The following RBMS1 variants were observed in gnomAD, a reference collection of about 807,000 sequenced individuals.
RBMS1 encodes the protein RNA binding motif single stranded interacting protein 1.
In RBMS1, 17 loss-of-function variants were observed where a neutral mutation model predicts 62.3. That is an observed-to-expected ratio of 0.27 (90% CI 0.19 to 0.41). RBMS1 has a LOEUF of 0.41. Among genes scored for constraint, RBMS1 ranks in the 10% least tolerant of loss-of-function variants. RBMS1 has a pLI of 1.00. For missense variants in RBMS1, 334 were observed against 504.5 expected (o/e 0.66, Z 3.24); for synonymous variants, 172 against 170.0 (o/e 1.01, Z -0.09).
At chr2:160,354,416 T>C (rs2106009499) in intron 2 of RBMS1, among the ~76,000 whole-genome samples, 1 of 152,174 alleles carries the variant, frequency 6.6e-6, no homozygotes, top group South Asian at 2.1e-4. Flanking sequence ...AGGTTAAGCA[T>C]TGGAGCAAAA....
At chr2:160,290,791 A>G (rs976586573) in intron 6 of RBMS1, among the ~76,000 whole-genome samples, 3 of 152,172 alleles carry the variant, frequency 2.0e-5, no homozygotes, top group Non-Finnish European at 2.9e-5. Flanking sequence ...CTTAAGAGCC[A>G]TCTAAGGTAA....
intron 2 of RBMS1, among the ~76,000 whole-genome samples, chr2:160,349,829 TG>T (rs534987737): frequency 3.2e-3 from 67 of 20,692 alleles, no homozygotes; most frequent in African/African-American, 0.011. Context: ...CAAAGCGGGG[TG>T]GGGGGGTGGA....
At chr2:160,444,920 T>C (rs1683580527) in intron 1 of RBMS1, among the ~76,000 whole-genome samples, 1 of 152,190 alleles carries the variant, frequency 6.6e-6, no homozygotes, top group Non-Finnish European at 1.5e-5. Context: ...ACCCCGATCT[T>C]GGACTCCCAT....
chr2:160,484,084 C>T (rs1685484009), intron 1 of RBMS1, among the ~76,000 whole-genome samples: 1 of 151,912 alleles, frequency 6.6e-6, no homozygotes, highest in Non-Finnish European at 1.5e-5. Flanking sequence ...AGCAATCCTC[C>T]CCCATCGGCC....
In RBMS1 at chr2:160,413,395, G is replaced by A. The variant is rs897180590; in HGVS notation, c.76-46004C>T. Among the ~76,000 whole-genome samples, 7 of 152,142 alleles carry A rather than the reference G, an allele frequency of 4.6e-5. No homozygotes were observed. In the Middle Eastern group the frequency reaches 0.01, roughly 222 times the overall value. Reference sequence around the variant, plus strand: ...AGCAGATTCTTTCTGTTCTTTCCTCGTACAAAATAGAGTTGATAAAGTACC... The same window carrying A: ...AGCAGATTCTTTCTGTTCTTTCCTCATACAAAATAGAGTTGATAAAGTACC... On this transcript the variant is annotated intron_variant, in intron 1 of 13. Transcript: ENST00000348849.
At chr2:160,286,901 A>G in intron 7 of RBMS1, 68 bp downstream of exon 7, 1 of 1,602,282 alleles carries the variant, frequency 6.2e-7, no homozygotes, top group Non-Finnish European at 8.5e-7. Flanking sequence ...TTTTTGTGTT[A>G]CTTTTCATGT....
At chr2:160,454,507 A>G in intron 1 of RBMS1, among the ~76,000 whole-genome samples, 1 of 152,252 alleles carries the variant, frequency 6.6e-6, no homozygotes, top group East Asian at 1.9e-4. Context: ...AGCAACTGGA[A>G]CAATGCAAAG....
Position 160,493,727 on chromosome 2 carries a change from C to G in RBMS1, c.-364G>C. The G allele has an allele frequency of 2.9e-6, 1 of 347,572 alleles. No individual in the cohort carries two copies. 21.5% of individuals were successfully genotyped at this position (347,572 alleles called of 1,614,324 possible). A position where few individuals can be genotyped will look rare whatever the true frequency, so the allele number is the denominator to read the frequency against. The stretch of plus-strand genomic sequence containing the variant: ...GCTGGCCGCGGTCCGCTCGGGCGAG[C>G]CGGCTGCGCGGGGCTGAGAGGTGAT... On this transcript the variant is annotated 5_prime_UTR_variant, in exon 1 of 14. Transcript: ENST00000348849.
intron 1 of RBMS1, among the ~76,000 whole-genome samples, chr2:160,446,969 C>T (rs1683678704): frequency 6.6e-6 from 1 of 152,236 alleles, no homozygotes; most frequent in Admixed American, 6.5e-5. Context: ...ACCAACACCA[C>T]CTTGCACCCC....
chr2:160,467,448 C>T (rs1387839172), intron 1 of RBMS1, among the ~76,000 whole-genome samples: 1 of 152,208 alleles, frequency 6.6e-6, no homozygotes, highest in African/African-American at 2.4e-5. Flanking sequence ...AAAGAAACTA[C>T]AGCCAAGTTT....
chr2:160,403,590 A>C (rs1484847846), intron 1 of RBMS1, among the ~76,000 whole-genome samples: 2 of 152,224 alleles, frequency 1.3e-5, no homozygotes, highest in Admixed American at 6.5e-5. Context: ...TGGGAAGATA[A>C]GTACTTCCCT....
intron 3 of RBMS1, among the ~76,000 whole-genome samples, chr2:160,317,058 C>T (rs187942319): frequency 9.9e-5 from 15 of 152,278 alleles, no homozygotes; most frequent in African/African-American, 2.9e-4. Context: ...ACATAAAGCA[C>T]GCTCTATTCA....
At chr2:160,468,389 T>G (rs1485760129) in intron 1 of RBMS1, among the ~76,000 whole-genome samples, 1 of 152,218 alleles carries the variant, frequency 6.6e-6, no homozygotes, top group Non-Finnish European at 1.5e-5. Context: ...TTTGCCAACA[T>G]GGTTATGGCA....
intron 4 of RBMS1, among the ~76,000 whole-genome samples, chr2:160,311,302 AAAGT>A (rs1359737961): frequency 1.4e-5 from 2 of 146,778 alleles, no homozygotes; most frequent in African/African-American, 5.0e-5. Flanking sequence ...AAGAAAATCT[AAAGT>A]AAGTCCAACT....
chr2:160,303,688 A>G (rs1348115014), intron 4 of RBMS1, among the ~76,000 whole-genome samples: 1 of 152,130 alleles, frequency 6.6e-6, no homozygotes, highest in Non-Finnish European at 1.5e-5. Flanking sequence ...CGATCCCACC[A>G]AGCCCTTCTT....
At chr2:160,441,312 G>T (rs1166388687) in intron 1 of RBMS1, among the ~76,000 whole-genome samples, 2 of 152,194 alleles carry the variant, frequency 1.3e-5, no homozygotes, top group Non-Finnish European at 2.9e-5. Flanking sequence ...TAAAAATAAG[G>T]CTGCTAAAAC....
At chr2:160,429,125 AATG>A (rs1682777752) in intron 1 of RBMS1, among the ~76,000 whole-genome samples, 1 of 152,238 alleles carries the variant, frequency 6.6e-6, no homozygotes, top group African/African-American at 2.4e-5. Context: ...AGCCAGGGAA[AATG>A]ATATTTTAAT....
chr2:160,356,486 G>A (rs894063025), intron 2 of RBMS1, among the ~76,000 whole-genome samples: 14 of 145,824 alleles, frequency 9.6e-5, no homozygotes, highest in Non-Finnish European at 6.0e-5. Flanking sequence ...TAATAAAGTA[G>A]CATTCAGGGT....
chr2:160,413,293 G>A (rs934289203), intron 1 of RBMS1, among the ~76,000 whole-genome samples: 1 of 152,010 alleles, frequency 6.6e-6, no homozygotes, highest in Admixed American at 6.6e-5. Flanking sequence ...ACTTTTGAGA[G>A]TCTATGTATA....
Sources: gnomAD v4.1 joint callset for allele counts (sites outside exome capture counted in the v4.1 genomes callset) on GRCh38, gnomAD v4.1.1 for gene constraint, MANE v1.5 for transcripts, NCBI Gene and HGNC (gene_info 2026-07-23, HGNC 2026-07-21) for gene names.